Variants in LAMB4 observed in about 807,000 individuals in gnomAD.
The protein encoded by LAMB4 is laminin subunit beta 4.
A neutral mutation model predicts 199.2 loss-of-function variants in LAMB4; 196 were observed. That is an observed-to-expected ratio of 0.98 (90% CI 0.88 to 1.11). The LOEUF (loss-of-function observed/expected upper bound fraction) is 1.11. LAMB4 is among the 50% of genes least tolerant of loss of function. LAMB4 has a pLI of 0.00. For missense variants in LAMB4, 2,080 were observed against 2,171.2 expected (o/e 0.96, Z 0.83); for synonymous variants, 744 against 770.6 (o/e 0.97, Z 0.57).
intron 23 of LAMB4, among the ~76,000 whole-genome samples, chr7:108,058,956 C>T (rs1046767903): frequency 1.3e-5 from 2 of 152,142 alleles, no homozygotes; most frequent in African/African-American, 2.4e-5. Flanking sequence ...GGATCTGCCA[C>T]GTTTCAATAT....
At chr7:108,084,904 CA>C (rs2037110469) in intron 14 of LAMB4, among the ~76,000 whole-genome samples, 1 of 150,994 alleles carries the variant, frequency 6.6e-6, no homozygotes, top group African/African-American at 2.4e-5. Flanking sequence ...TCATCACACC[CA>C]GCCAATTTTT....
At chr7:108,109,543 A>G (rs557967313) in intron 4 of LAMB4, among the ~76,000 whole-genome samples, 1 of 152,344 alleles carries the variant, frequency 6.6e-6, no homozygotes, top group East Asian at 1.9e-4. Context: ...CCCTAGGTGG[A>G]AAGAGAGAAA....
At chr7:108,125,364 C>T (rs889994070) in intron 1 of LAMB4, among the ~76,000 whole-genome samples, 1 of 152,172 alleles carries the variant, frequency 6.6e-6, no homozygotes, top group Non-Finnish European at 1.5e-5. Flanking sequence ...TTTAGAACTG[C>T]CCGTGTGCTT....
chr7:108,078,254 T>C lies in LAMB4; in HGVS notation c.1950A>G (p.Ile650Met), dbSNP rs766576519. The C allele has an allele frequency of 2.0e-5, 32 of 1,611,666 alleles. No homozygotes were observed. The highest frequency in any genetic ancestry group is 2.7e-5 in the African/African-American group (2 of 74,888). Residue 650 changes from isoleucine (I) to methionine (M), a missense_variant, in exon 16 of 34, where the codon ATA becomes ATG. Physicochemically the swap from Ile to Met is conservative, Grantham distance 10. Coordinates refer to ENST00000388781, the MANE Select transcript of LAMB4 (RefSeq NM_007356.3). ...VNPPGGSEHC[I>M]PKTLQSKPQS... ...GAGGCTTTGACTGTAGAGTCTTGGGTATGCAGTGCTCACTCCCTCCAGGGG... is the reference window on the plus strand; with the variant it reads ...GAGGCTTTGACTGTAGAGTCTTGGGCATGCAGTGCTCACTCCCTCCAGGGG...
chr7:108,108,743 A>G (rs1209955274), intron 5 of LAMB4, among the ~76,000 whole-genome samples: 1 of 152,062 alleles, frequency 6.6e-6, no homozygotes, highest in African/African-American at 2.4e-5. Context: ...ATTTTCCTGA[A>G]TGATTAAAGA....
chr7:108,040,117 C>T (rs1411667138), intron 29 of LAMB4, among the ~76,000 whole-genome samples: 1 of 152,176 alleles, frequency 6.6e-6, no homozygotes, highest in Non-Finnish European at 1.5e-5. Context: ...ACATCAGCAA[C>T]AGTCAAGCCA....
At position 108,029,162 on chromosome 7, in the gene LAMB4, A is replaced by G. The variant is rs752940673; in HGVS notation, c.5027T>C (p.Leu1676Pro). Reference sequence around the variant, plus strand: ...TCCTGTAGTGCTTGTCTTACGTTGGAGAATAGCATATTGTTTTTTCAGCTC... The same window carrying G: ...TCCTGTAGTGCTTGTCTTACGTTGGGGAATAGCATATTGTTTTTTCAGCTC... The part of the protein sequence containing the change: ...FVELKKQYAI[L>P]QRKTSTTGLT... The change falls in exon 33 of 34, where the codon CTC (leucine) becomes CCC (proline). Residue 1676 changes from leucine to proline, a missense_variant. Leu to Pro is a moderately conservative substitution (Grantham distance 98, BLOSUM62 -3). Transcript: ENST00000388781. 3 of 1,612,146 alleles carry G rather than the reference A, an allele frequency of 1.9e-6. No individual in the cohort carries two copies. The highest frequency in any genetic ancestry group is 2.2e-5 in the South Asian group (2 of 90,198).
intron 27 of LAMB4, 133 bp downstream of exon 27, chr7:108,049,193 T>C (rs2035748833): frequency 8.2e-6 from 2 of 244,722 alleles, no homozygotes; most frequent in Non-Finnish European, 1.5e-5. Context: ...TTTATATACC[T>C]ACATATATTT....
intron 17 of LAMB4, among the ~76,000 whole-genome samples, chr7:108,073,064 G>A (rs1419748169): frequency 6.6e-6 from 1 of 152,194 alleles, no homozygotes; most frequent in East Asian, 1.9e-4. Flanking sequence ...GGAGTACAGT[G>A]GCACGATCTC....
intron 27 of LAMB4, among the ~76,000 whole-genome samples, chr7:108,048,319 C>A (rs1370404085): frequency 6.6e-6 from 1 of 151,944 alleles, no homozygotes; most frequent in African/African-American, 2.4e-5. Flanking sequence ...CACCCACTAC[C>A]ACGCCTGGCT....
chr7:108,095,469 G>A, intron 11 of LAMB4, 132 bp from the exon 12 acceptor site: 1 of 653,444 alleles, frequency 1.5e-6, no homozygotes, highest in Non-Finnish European at 2.7e-6. Context: ...GGTTTATTGT[G>A]TGCCTGGCTG....
At chr7:108,075,518 T>C (rs1406909378) in intron 17 of LAMB4, 1 of 152,328 alleles carries the variant, frequency 6.6e-6, no homozygotes, top group East Asian at 1.9e-4. Flanking sequence ...ATTAGAAGAT[T>C]CTCACAAATA....
chr7:108,057,623 C>T (rs922237446), intron 24 of LAMB4, among the ~76,000 whole-genome samples: 1 of 152,016 alleles, frequency 6.6e-6, no homozygotes, highest in Non-Finnish European at 1.5e-5. Flanking sequence ...TTAATATAGG[C>T]TAAATTTTTA....
At chr7:108,126,127 T>TA (rs1276486000) in intron 1 of LAMB4, among the ~76,000 whole-genome samples, 1 of 152,194 alleles carries the variant, frequency 6.6e-6, no homozygotes, top group East Asian at 1.9e-4. Context: ...ATAATTCTGT[T>TA]AGATCAGCAG....
At chr7:108,043,966 A>G in intron 28 of LAMB4, 70 bp from the exon 29 acceptor site, 1 of 1,370,332 alleles carries the variant, frequency 7.3e-7, no homozygotes, top group Non-Finnish European at 1.0e-6. Context: ...TTTGATGTTT[A>G]ATTACTTAGC....
intron 8 of LAMB4, among the ~76,000 whole-genome samples, chr7:108,105,067 A>G (rs1327551001): frequency 6.6e-6 from 1 of 152,192 alleles, no homozygotes; most frequent in Non-Finnish European, 1.5e-5. Flanking sequence ...GCTCACATGC[A>G]GAGAGAGAAG....
chr7:108,085,933 G>A (rs2037157339), intron 14 of LAMB4, among the ~76,000 whole-genome samples: 1 of 152,070 alleles, frequency 6.6e-6, no homozygotes, highest in South Asian at 2.1e-4. Flanking sequence ...ATTTTGCACT[G>A]GGCCCTGCAG....
chr7:108,121,696 G>A (rs1055666161), intron 2 of LAMB4, among the ~76,000 whole-genome samples: 1 of 151,400 alleles, frequency 6.6e-6, no homozygotes. Context: ...GTTGCAGTGA[G>A]CTGAGATCGC....
chr7:108,104,787 G>T (rs956627587), intron 8 of LAMB4, among the ~76,000 whole-genome samples, 168 bp from the exon 9 acceptor site: 2 of 152,004 alleles, frequency 1.3e-5, no homozygotes, highest in African/African-American at 2.4e-5. Context: ...TTCTTAACTA[G>T]CTTTAAACTT....
Sources: gnomAD v4.1 joint callset for allele counts (sites outside exome capture counted in the v4.1 genomes callset) on GRCh38, gnomAD v4.1.1 for gene constraint, MANE v1.5 for transcripts, NCBI Gene and HGNC (gene_info 2026-07-23, HGNC 2026-07-21) for gene names.